DNHD1: variants seen among roughly 807,000 people sequenced by gnomAD.
The protein encoded by DNHD1 is dynein heavy chain domain 1, also known as dynein heavy chain domain-containing protein 1.
DNHD1 carries 383 observed loss-of-function variants against 458.1 expected under a neutral mutation model. That is an observed-to-expected ratio of 0.84 (90% confidence interval 0.77 to 0.91). The LOEUF is 0.91. Ranked by LOEUF, DNHD1 falls within the 40% of genes least tolerant of loss-of-function variation. The probability of loss-of-function intolerance (pLI) is 0.00; values close to 1 mark genes in which losing one functional copy is unlikely to be tolerated. For missense variants in DNHD1, 5,336 were observed against 5,866.1 expected (o/e 0.91, Z 2.95); for synonymous variants, 2,203 against 2,376.9 (o/e 0.93, Z 2.13).
At position 6,557,526 on chromosome 11, in the gene DNHD1, C is replaced by G. The variant is rs1057442377; in HGVS notation, c.8231C>G (p.Ser2744Cys). ...YGLQVARVSN[S>C]RDPSLTPSIG... The stretch of plus-strand genomic sequence containing the variant: ...CTTCAGGTCGCCAGAGTCTCAAACT[C>G]CAGAGATCCAAGTCTAACACCATCC... The change falls in exon 25 of 43, where the codon TCC becomes TGC. Residue 2744 changes from serine to cysteine, a missense_variant. Physicochemically the swap from Ser to Cys is moderately radical, Grantham distance 112. This residue lies in a region of DNHD1 where 3,932 missense variants were observed against 4,365.6 expected (regional missense o/e 0.90). Transcript: ENST00000254579. The G allele has an allele frequency of 1.1e-5, 17 of 1,551,558 alleles. No individual in the cohort carries two copies. In the Admixed American group the frequency reaches 2.6e-4, roughly 23 times the overall value.
At chr11:6,542,912 C>T (rs1186383216) in intron 18 of DNHD1, among the ~76,000 whole-genome samples, 1 of 152,214 alleles carries the variant, frequency 6.6e-6, no homozygotes, top group African/African-American at 2.4e-5. Flanking sequence ...CTTCGTGCTA[C>T]CTCGTCATAA....
chr11:6,511,155 ATAT>A lies in DNHD1; in HGVS notation c.1236-115_1236-113del. 4 of 1,358,926 alleles carry A rather than the reference ATAT, an allele frequency of 2.9e-6. No individual in the cohort carries two copies. The East Asian group carries it at 7.0e-5, about 24-fold the overall frequency. 84.2% of individuals were successfully genotyped at this position (1,358,926 alleles called of 1,614,324 possible). On this transcript the variant is annotated intron_variant, in intron 6 of 42. Coordinates refer to ENST00000254579, the MANE Select transcript of DNHD1 (RefSeq NM_144666.3). ...CTGTCACTATTGGTCACTGTTGGTAATATTACAATCTCTATAAATATTTGTGCA... is the reference window on the plus strand; with the variant it reads ...CTGTCACTATTGGTCACTGTTGGTAATACAATCTCTATAAATATTTGTGCA...
chr11:6,544,018 C>G, intron 18 of DNHD1, 103 bp from the exon 19 acceptor site: 2 of 709,788 alleles, frequency 2.8e-6, no homozygotes, highest in East Asian at 4.8e-5. Flanking sequence ...GCATCAGGGT[C>G]TCTGTAACTG....
chr11:6,506,593 T>G (rs1852232295), intron 4 of DNHD1, among the ~76,000 whole-genome samples: 1 of 152,204 alleles, frequency 6.6e-6, no homozygotes, highest in Non-Finnish European at 1.5e-5. Context: ...TATCAAAATT[T>G]TAATTGCATT....
intron 24 of DNHD1, among the ~76,000 whole-genome samples, chr11:6,554,460 C>G (rs537309027): frequency 4.7e-4 from 71 of 151,990 alleles, no homozygotes; most frequent in Non-Finnish European, 8.4e-4. Context: ...AAATTGAAAA[C>G]CTATGCCCTT....
In DNHD1 at chr11:6,565,844, G is replaced by A; in HGVS notation, c.10906G>A (p.Glu3636Lys). The part of the protein sequence containing the change: ...RKNEQEKEQE[E>K]NEEKEEEKTE... ...AAATGAGCAGGAGAAAGAGCAAGAGGAAAATGAAGAGAAAGAGGAGGAGAA... is the reference window on the plus strand; with the variant it reads ...AAATGAGCAGGAGAAAGAGCAAGAGAAAAATGAAGAGAAAGAGGAGGAGAA... The change falls in exon 33 of 43, where the codon GAA (glutamate) becomes AAA (lysine). Residue 3636 changes from glutamate to lysine, a missense_variant. This residue lies in a region of DNHD1 where 695 missense variants were observed against 804.2 expected (regional missense o/e 0.86). Transcript: ENST00000254579. The A allele has an allele frequency of 1.9e-5, 29 of 1,551,682 alleles. No homozygotes were observed. The highest frequency in any genetic ancestry group is 2.5e-5 in the Non-Finnish European group (29 of 1,146,998).
chr11:6,523,001 G>A (rs978750310), intron 10 of DNHD1, among the ~76,000 whole-genome samples: 2 of 152,070 alleles, frequency 1.3e-5, no homozygotes, highest in Admixed American at 6.6e-5. Flanking sequence ...CAATTTTATC[G>A]GAAGTTTTCT....
Position 6,568,590 on chromosome 11 carries a change from C to T in DNHD1, c.12661+14C>T. 1 of 1,613,928 alleles carries T rather than the reference C, an allele frequency of 6.2e-7. No homozygotes were observed. The highest frequency in any genetic ancestry group is 8.5e-7 in the Non-Finnish European group (1 of 1,179,896). On this transcript the variant is annotated intron_variant, in intron 38 of 42. Transcript: ENST00000254579. ...CTTCTTTGCCAGGTGAGGAGCTTAA[C>T]CCCCTACAGGCTCTCAAATTGGAAG...
At position 6,567,851 on chromosome 11, in the gene DNHD1, G is replaced by A; in HGVS notation, c.12342G>A (p.Lys4114=). The change falls in exon 36 of 43, where the codon AAG becomes AAA. Residue 4114 remains lysine, a synonymous_variant. Transcript: ENST00000254579. ...PLTVIQKLAA[K]YQQGQKQLQV... is the part of the protein sequence containing the mutation. ...CTGTCATCCAGAAACTGGCTGCCAA[G>A]TATCAGCAGGTTTGAACCTAGTTTC... is the stretch of plus-strand genomic sequence containing the variant. 1.2e-6 allele frequency: 2 copies of A among 1,610,854 alleles called. No homozygotes were observed. Among genetic ancestry groups the A allele is most frequent in the Non-Finnish European group, 1.7e-6 (2 of 1,179,340 alleles).
rs1449822120 is a variant in DNHD1, at chr11:6,545,938, G to A, written c.4999G>A (p.Glu1667Lys). The change falls in exon 21 of 43, where the codon GAA (glutamate) becomes AAA (lysine). Residue 1667 changes from glutamate (E) to lysine (K), a missense_variant. Physicochemically the swap from Glu to Lys is moderately conservative, Grantham distance 56 (BLOSUM62 1). Around this residue, in one of 4 missense-constraint regions of DNHD1, gnomAD observed 3,932 missense variants for 4,365.6 expected, o/e 0.90. Transcript: ENST00000254579. The surrounding 1 kb of genome is among the most constrained non-coding windows in gnomAD (Gnocchi z 4.9). ...AGGGCCTCTACCCAGCCTACTGCCT[G>A]AACGGCCAGCCCTGGTACTATTATT... is the stretch of plus-strand genomic sequence containing the variant. ...RLGPLPSLLP[E>K]RPALVLLLAL... is the part of the protein sequence containing the mutation. The A allele has an allele frequency of 6.4e-7, 1 of 1,551,776 alleles. No homozygotes were observed. Among genetic ancestry groups the A allele is most frequent in the South Asian group, 1.2e-5 (1 of 84,044 alleles).
intron 7 of DNHD1, among the ~76,000 whole-genome samples, 179 bp from the exon 8 acceptor site, chr11:6,519,421 T>C (rs1852556464): frequency 6.6e-6 from 1 of 152,120 alleles, no homozygotes; most frequent in African/African-American, 2.4e-5. Flanking sequence ...TCACATCTTC[T>C]CTGGTCAAAT....
chr11:6,510,476 T>A (rs2035961647), intron 6 of DNHD1, among the ~76,000 whole-genome samples: 1 of 152,202 alleles, frequency 6.6e-6, no homozygotes, highest in Non-Finnish European at 1.5e-5. Context: ...AGTTTGTAAC[T>A]TCTGCTCTAG....
chr11:6,563,165 CCT>C, intron 29 of DNHD1, 34 bp downstream of exon 29: 1 of 1,551,532 alleles, frequency 6.4e-7, no homozygotes. Flanking sequence ...CTGCACTGCT[CCT>C]CTCTCAAAAG....
Position 6,546,432 on chromosome 11 carries a change from T to A in DNHD1, c.5493T>A (p.Asp1831Glu). 6.4e-7 allele frequency: 1 copy of A among 1,551,676 alleles called. No homozygotes were observed. Among genetic ancestry groups the A allele is most frequent in the Non-Finnish European group, 8.7e-7 (1 of 1,147,048 alleles). The change falls in exon 21 of 43, where the codon GAT (aspartate) becomes GAA (glutamate). Residue 1831 changes from aspartate to glutamate, a missense_variant. Asp to Glu is a conservative substitution (Grantham distance 45). Transcript: ENST00000254579. ...GGCCTGTGGCATTGGCATTGCCTGA[T>A]CTGCGGCAAGTGGCAGAGCTGACTC... ...LLRPVALALP[D>E]LRQVAELTLL...
chr11:6,565,439 G>A (rs994554261), intron 32 of DNHD1, among the ~76,000 whole-genome samples: 1 of 152,192 alleles, frequency 6.6e-6, no homozygotes, highest in Non-Finnish European at 1.5e-5. Flanking sequence ...AACATTTATT[G>A]AGTGCTCACT....
chr11:6,517,953 T>A (rs952564512), intron 7 of DNHD1, among the ~76,000 whole-genome samples: 3 of 152,234 alleles, frequency 2.0e-5, no homozygotes, highest in African/African-American at 7.2e-5. Context: ...CTAATTGTTT[T>A]AAGGGAGAAT....
At chr11:6,500,045 A>C (rs1852104270) in intron 3 of DNHD1, among the ~76,000 whole-genome samples, 1 of 150,650 alleles carries the variant, frequency 6.6e-6, no homozygotes. Flanking sequence ...GCTCACTGCA[A>C]CCTCTGCCTC....
rs1853838717 is a variant in DNHD1 at position 6,571,102 on chromosome 11, T to G, written c.13590T>G (p.Thr4530=). The part of the protein sequence containing the change: ...RCAAVAHALW[T]GRLPLPWRPH... ...CTGCGGTGGCCCACGCTCTCTGGAC[T>G]GGCCGCCTACCCTTGCCTTGGCGAC... Residue 4530 remains threonine (T), a synonymous_variant, in exon 42 of 43, where the codon ACT becomes ACG. Coordinates refer to ENST00000254579, the MANE Select transcript of DNHD1 (RefSeq NM_144666.3). The surrounding 1 kb of genome is among the most constrained non-coding windows in gnomAD (Gnocchi z 5.0). 6.3e-7 allele frequency: 1 copy of G among 1,597,418 alleles called. No individual in the cohort carries two copies. The highest frequency in any genetic ancestry group is 1.7e-5 in the Admixed American group (1 of 59,546).
rs866702457 is a variant in DNHD1, at chr11:6,557,292, C to T, written c.7997C>T (p.Ser2666Phe). The T allele has an allele frequency of 6.4e-7, 1 of 1,551,448 alleles. No individual in the cohort carries two copies. The highest frequency in any genetic ancestry group is 1.4e-5 in the African/African-American group (1 of 73,046). Residue 2666 changes from serine (S) to phenylalanine (F), a missense_variant, in exon 25 of 43, where the codon TCC (serine) becomes TTC (phenylalanine). Ser to Phe is a radical substitution (Grantham distance 155). Coordinates refer to ENST00000254579, the MANE Select transcript of DNHD1 (RefSeq NM_144666.3). ...CGGCTGGACAGCCCCAGGGAACGCT[C>T]CTACTGTGCCAAGCTGCTCCTAGTA... ...CDRLDSPRER[S>F]YCAKLLLVVA...
Sources: allele counts gnomAD v4.1 joint callset (sites outside exome capture counted in the v4.1 genomes callset), GRCh38; gene constraint gnomAD v4.1.1; regional missense constraint gnomAD v4.1.1; non-coding constraint Gnocchi (gnomAD v3.1); transcripts MANE v1.5; gene names NCBI Gene and HGNC (gene_info 2026-07-23, HGNC 2026-07-21).